The following LCP1 variants were observed in gnomAD, a reference collection of about 807,000 sequenced individuals.
LCP1 encodes lymphocyte cytosolic protein 1, also known as plastin-2.
LCP1 carries 23 observed loss-of-function variants against 72.0 expected under a neutral mutation model. That is an observed-to-expected ratio of 0.32 (90% confidence interval 0.23 to 0.45). The LOEUF (loss-of-function observed/expected upper bound fraction) is 0.45. LCP1 is among the 20% of genes least tolerant of loss of function. The pLI is 1.00. For missense variants in LCP1, 571 were observed against 748.3 expected (o/e 0.76, Z 2.76); for synonymous variants, 245 against 275.4 (o/e 0.89, Z 1.09).
chr13:46,164,295 A>G (rs192181092), intron 1 of LCP1, among the ~76,000 whole-genome samples: 1 of 152,372 alleles, frequency 6.6e-6, no homozygotes, highest in East Asian at 1.9e-4. Flanking sequence ...GTTGGGTAAA[A>G]AAAGAAAATC....
intron 15 of LCP1, among the ~76,000 whole-genome samples, chr13:46,127,987 C>CT (rs11301577): frequency 9.5e-5 from 14 of 147,438 alleles, no homozygotes; most frequent in Admixed American, 8.2e-4. Context: ...CAGCTCCTGC[C>CT]TTTTTTTTAA....
chr13:46,151,517 C>A (rs2045764173), intron 7 of LCP1, among the ~76,000 whole-genome samples: 1 of 152,148 alleles, frequency 6.6e-6, no homozygotes, highest in Non-Finnish European at 1.5e-5. Flanking sequence ...CAAGTGCTTA[C>A]CTGCCTAATT....
intron 6 of LCP1, chr13:46,153,163 C>G (rs1394540072): frequency 2.4e-6 from 1 of 412,868 alleles, no homozygotes; most frequent in African/African-American, 2.1e-5. Flanking sequence ...TCCATTCAAT[C>G]AAACCAGCAC....
intron 1 of LCP1, among the ~76,000 whole-genome samples, chr13:46,174,993 CT>C (rs778239897): frequency 1.4e-4 from 21 of 152,058 alleles, no homozygotes; most frequent in Non-Finnish European, 1.5e-4. Context: ...ATGGATTATA[CT>C]TTTAAGAAAC....
intron 13 of LCP1, among the ~76,000 whole-genome samples, chr13:46,137,540 CA>C (rs1162435938): frequency 1.3e-5 from 2 of 150,616 alleles, no homozygotes; most frequent in East Asian, 3.9e-4. Flanking sequence ...AACTCTGTCT[CA>C]AAAAAAAATT....
intron 1 of LCP1, among the ~76,000 whole-genome samples, chr13:46,176,765 G>A (rs1028736795): frequency 1.3e-5 from 2 of 152,202 alleles, no homozygotes; most frequent in African/African-American, 2.4e-5. Context: ...TGAATTTGGT[G>A]TCAGCTTTTC....
chr13:46,159,082 A>C (rs1311045458), intron 2 of LCP1, 93 bp from the exon 3 acceptor site: 1 of 1,150,044 alleles, frequency 8.7e-7, no homozygotes, highest in African/African-American at 1.5e-5. Flanking sequence ...TGAAGGGACG[A>C]GAGAGGCTAT....
intron 2 of LCP1, 54 bp from the exon 3 acceptor site, chr13:46,159,043 A>C: frequency 6.4e-7 from 1 of 1,558,916 alleles, no homozygotes; most frequent in East Asian, 2.2e-5. Context: ...AACAGCTTTT[A>C]GAGAGGTGAG....
intron 13 of LCP1, among the ~76,000 whole-genome samples, chr13:46,140,958 C>T (rs889040573): frequency 1.1e-4 from 16 of 152,290 alleles, no homozygotes; most frequent in African/African-American, 3.8e-4. Flanking sequence ...TTAGGGACAA[C>T]TTTGAACGAT....
chr13:46,175,071 C>T (rs898199992), intron 1 of LCP1, among the ~76,000 whole-genome samples: 3 of 152,006 alleles, frequency 2.0e-5, no homozygotes, highest in Admixed American at 1.3e-4. Flanking sequence ...GTTCTGTGAC[C>T]CCAGACAAGT....
At chr13:46,152,371 G>A (rs916591370) in intron 7 of LCP1, among the ~76,000 whole-genome samples, 1 of 152,054 alleles carries the variant, frequency 6.6e-6, no homozygotes, top group African/African-American at 2.4e-5. Context: ...CTATAGTTTT[G>A]ATAAGAAATA....
At chr13:46,139,015 T>G (rs893177647) in intron 13 of LCP1, among the ~76,000 whole-genome samples, 1 of 152,200 alleles carries the variant, frequency 6.6e-6, no homozygotes, top group Admixed American at 6.5e-5. Context: ...ATGAGTCAGT[T>G]TAACTGTTGC....
intron 1 of LCP1, chr13:46,168,495 T>G (rs946045250): frequency 6.6e-6 from 1 of 152,454 alleles, no homozygotes; most frequent in African/African-American, 2.4e-5. Flanking sequence ...TCTAGATGCA[T>G]TCTCCTCACT....
chr13:46,159,015 C>T (rs1238742852), intron 2 of LCP1, 26 bp from the exon 3 acceptor site: 1 of 1,611,338 alleles, frequency 6.2e-7, no homozygotes, highest in Non-Finnish European at 8.5e-7. Context: ...TATACTGAAG[C>T]TTCAGGACGA....
intron 1 of LCP1, among the ~76,000 whole-genome samples, chr13:46,173,690 A>G (rs1344759257): frequency 6.6e-6 from 1 of 152,202 alleles, no homozygotes; most frequent in Non-Finnish European, 1.5e-5. Context: ...CTTTGGTACC[A>G]CATTTCTTAT....
chr13:46,169,398 C>T (rs547212501), intron 1 of LCP1: 1 of 152,356 alleles, frequency 6.6e-6, no homozygotes, highest in South Asian at 2.1e-4. Context: ...TCTTCTAGGT[C>T]ACGATGATTC....
At chr13:46,136,074 T>TACACACACACAC (rs58984200) in intron 13 of LCP1, among the ~76,000 whole-genome samples, 1 of 143,936 alleles carries the variant, frequency 6.9e-6, no homozygotes, top group Non-Finnish European at 1.5e-5. Flanking sequence ...CATCGTGTGC[T>TACACACACACAC]ACACACACAC....
chr13:46,155,405 T>C (rs1376657690), intron 5 of LCP1, among the ~76,000 whole-genome samples: 1 of 152,156 alleles, frequency 6.6e-6, no homozygotes, highest in Non-Finnish European at 1.5e-5. Flanking sequence ...TCTTAGAAGG[T>C]AAAACTAGCA....
In LCP1 at chr13:46,143,356, T is replaced by G. The variant is rs1324999171; in HGVS notation, c.1302A>C (p.Lys434Asn). Residue 434 changes from lysine (K) to asparagine (N), a missense_variant, in exon 12 of 16, where the codon AAA becomes AAC. Lys to Asn is a moderately conservative substitution (Grantham distance 94). Coordinates refer to ENST00000323076, the MANE Select transcript of LCP1 (RefSeq NM_002298.5). ...LVIFQLYEKI[K>N]VPVDWNRVNK... ...TTACTCTGTTCCAGTCAACAGGAACTTTGATCTTTTCATAGAGCTGGAAGA... is the reference window on the plus strand; with the variant it reads ...TTACTCTGTTCCAGTCAACAGGAACGTTGATCTTTTCATAGAGCTGGAAGA... 1.2e-6 allele frequency: 2 copies of G among 1,613,970 alleles called. No individual in the cohort carries two copies. The highest frequency in any genetic ancestry group is 1.7e-6 in the Non-Finnish European group (2 of 1,179,954).
Sources: gnomAD v4.1 joint callset for allele counts (sites outside exome capture counted in the v4.1 genomes callset) on GRCh38, gnomAD v4.1.1 for gene constraint, MANE v1.5 for transcripts, NCBI Gene and HGNC (gene_info 2026-07-23, HGNC 2026-07-21) for gene names.